SBF2: variants seen among roughly 807,000 people sequenced by gnomAD.
SBF2 encodes myotubularin-related protein 13.
A neutral mutation model predicts 225.2 loss-of-function variants in SBF2; 112 were observed. The observed-to-expected ratio is 0.50, with a 90% CI of 0.43 to 0.58. SBF2 has a LOEUF of 0.58. SBF2 is among the 20% of genes least tolerant of loss of function. The pLI, the probability that SBF2 is intolerant of heterozygous loss-of-function variation, is 0.00. For synonymous variants in SBF2, 763 were observed against 773.3 expected, an observed-to-expected ratio of 0.99 and a Z score of 0.22; for missense variants, 1,996 against 2,206.2, an observed-to-expected ratio of 0.90 and a Z score of 1.91.
At chr11:9,861,628 T>TC (rs1857751569) in intron 17 of SBF2, among the ~76,000 whole-genome samples, 1 of 144,162 alleles carries the variant, frequency 6.9e-6, no homozygotes, top group Non-Finnish European at 1.5e-5. Context: ...CGCGCCACTG[T>TC]ACTCCAGCCT....
intron 2 of SBF2, 51 bp from the exon 3 acceptor site, chr11:10,043,032 T>G (rs1239333720): frequency 6.5e-7 from 1 of 1,549,632 alleles, no homozygotes; most frequent in African/African-American, 1.4e-5. Flanking sequence ...TAAAAGTTAA[T>G]TATTAATCTC....
chr11:10,105,264 G>A (rs1287350912), intron 2 of SBF2, among the ~76,000 whole-genome samples: 1 of 152,102 alleles, frequency 6.6e-6, no homozygotes, highest in Non-Finnish European at 1.5e-5. Flanking sequence ...TAGGAGAGAG[G>A]GGTGAAGAAA....
At chr11:10,295,228 A>G (rs189562711), upstream of SBF2, among the ~76,000 whole-genome samples, 223 of 152,356 alleles carry the variant, frequency 1.5e-3, no homozygotes, top group African/African-American at 5.1e-3. Context: ...TCATATTTAC[A>G]CATAAGACAA....
intron 9 of SBF2, among the ~76,000 whole-genome samples, chr11:9,995,381 C>T (rs1465799246): frequency 6.6e-6 from 1 of 151,974 alleles, no homozygotes; most frequent in Non-Finnish European, 1.5e-5. Flanking sequence ...GAGAATAGAC[C>T]AAAAGACTCA....
chr11:9,976,979 C>T (rs189098388), intron 13 of SBF2, among the ~76,000 whole-genome samples: 6 of 152,022 alleles, frequency 3.9e-5, no homozygotes, highest in Admixed American at 3.9e-4. Flanking sequence ...ACCGTGGTCT[C>T]GATTTCCTGA....
chr11:9,989,413 C>T (rs1235125590), intron 13 of SBF2, 84 bp downstream of exon 13: 10 of 856,050 alleles, frequency 1.2e-5, no homozygotes, highest in South Asian at 9.7e-5. Context: ...CACGTAACCA[C>T]GTAACACCCG....
chr11:10,098,745 A>G (rs1169195207), intron 2 of SBF2, among the ~76,000 whole-genome samples: 1 of 151,458 alleles, frequency 6.6e-6, no homozygotes, highest in Non-Finnish European at 1.5e-5. Flanking sequence ...GAAGAACACC[A>G]TAAATGAAAT....
intron 2 of SBF2, among the ~76,000 whole-genome samples, chr11:10,121,384 A>C (rs1303168501): frequency 3.3e-5 from 5 of 152,184 alleles, no homozygotes; most frequent in Non-Finnish European, 1.5e-5. Context: ...TCTGCTCTTA[A>C]GAAAGGATTT....
chr11:10,065,877 G>T (rs945529708), intron 2 of SBF2, among the ~76,000 whole-genome samples: 2 of 152,114 alleles, frequency 1.3e-5, no homozygotes, highest in African/African-American at 2.4e-5. Flanking sequence ...AACCCAGGGG[G>T]TGGAAGTTGC....
intron 2 of SBF2, among the ~76,000 whole-genome samples, chr11:10,090,785 A>AAAAAAAG (rs1392124232): frequency 1.3e-5 from 2 of 149,578 alleles, no homozygotes; most frequent in East Asian, 4.0e-4. Flanking sequence ...AAAAAAAAAA[A>AAAAAAAG]GCTATTAGAA....
At chr11:9,999,883 C>T (rs909909674) in intron 8 of SBF2, among the ~76,000 whole-genome samples, 2 of 152,174 alleles carry the variant, frequency 1.3e-5, no homozygotes, top group African/African-American at 4.8e-5. Context: ...TTGGTTACAA[C>T]TATAATTACT....
intron 2 of SBF2, among the ~76,000 whole-genome samples, chr11:10,059,163 T>TA (rs1420501926): frequency 6.6e-6 from 1 of 152,042 alleles, no homozygotes; most frequent in Non-Finnish European, 1.5e-5. Flanking sequence ...ATAACAATAT[T>TA]AACCTCAAAT....
chr11:9,905,337 G>A (rs1862037871), intron 16 of SBF2, among the ~76,000 whole-genome samples: 1 of 152,200 alleles, frequency 6.6e-6, no homozygotes, highest in Non-Finnish European at 1.5e-5. Context: ...TGAGTGATAT[G>A]CCTTTTTGAA....
intron 1 of SBF2, among the ~76,000 whole-genome samples, chr11:10,211,560 A>G (rs958520035): frequency 1.3e-5 from 2 of 152,188 alleles, no homozygotes; most frequent in African/African-American, 4.8e-5. Context: ...CTGTGTCTTT[A>G]GTGTCTTTAC....
At chr11:10,214,867 T>C (rs914101741) in intron 1 of SBF2, among the ~76,000 whole-genome samples, 1 of 152,056 alleles carries the variant, frequency 6.6e-6, no homozygotes, top group African/African-American at 2.4e-5. Context: ...CCACTCCAGG[T>C]AGTTTAAGCA....
chr11:9,809,419 ATAATTCC>A, intron 30 of SBF2: 2 of 170,214 alleles, frequency 1.2e-5, no homozygotes, highest in South Asian at 2.8e-4. Flanking sequence ...TAGGTGAGCT[ATAATTCC>A]ATAGAGTACA....
chr11:10,133,874 G>A (rs1954220860), intron 2 of SBF2, among the ~76,000 whole-genome samples: 1 of 152,210 alleles, frequency 6.6e-6, no homozygotes, highest in Non-Finnish European at 1.5e-5. Context: ...CTCTCACTAA[G>A]AGCATCTTTT....
At chr11:9,914,002 G>T (rs1467043825) in intron 16 of SBF2, among the ~76,000 whole-genome samples, 3 of 152,136 alleles carry the variant, frequency 2.0e-5, no homozygotes, top group African/African-American at 7.2e-5. Flanking sequence ...ACCACACCAG[G>T]CCTTATAGCA....
At position 10,031,122 on chromosome 11, in the gene SBF2, T is replaced by C; in HGVS notation, c.328A>G (p.Ile110Val). Residue 110 changes from isoleucine to valine, a missense_variant, in exon 4 of 40, where the codon ATT becomes GTT. Transcript: ENST00000256190. Reference protein sequence around the residue: ...IEGEAKVSGLIQPAEVFAPKS... With the variant: ...IEGEAKVSGLVQPAEVFAPKS... ...GGAGCAAACACTTCTGCAGGCTGAA[T>C]TAAACCAGACACTTTTGCTTCACCT... is the stretch of plus-strand genomic sequence containing the variant. 1 of 1,613,662 alleles carries C rather than the reference T, an allele frequency of 6.2e-7. No individual in the cohort carries two copies. Among genetic ancestry groups the C allele is most frequent in the Non-Finnish European group, 8.5e-7 (1 of 1,179,720 alleles).
Sources: gnomAD v4.1 joint callset for allele counts (sites outside exome capture counted in the v4.1 genomes callset) on GRCh38, gnomAD v4.1.1 for gene constraint, MANE v1.5 for transcripts, NCBI Gene and HGNC (gene_info 2026-07-23, HGNC 2026-07-21) for gene names.